TRIB2: variants seen among roughly 807,000 people sequenced by gnomAD.
TRIB2 encodes the protein tribbles pseudokinase 2.
In TRIB2, 2 loss-of-function variants were observed where a neutral mutation model predicts 26.8. The observed-to-expected ratio is 0.07, with a 90% confidence interval of 0.03 to 0.24. The LOEUF is 0.24. Ranked by LOEUF, TRIB2 falls within the 10% of genes least tolerant of loss-of-function variation. The probability of loss-of-function intolerance (pLI) is 1.00; values close to 1 mark genes in which losing one functional copy is unlikely to be tolerated. For synonymous variants in TRIB2, 189 were observed against 187.3 expected (o/e 1.01, Z -0.08); for missense variants, 306 against 449.0 (o/e 0.68, Z 2.88).
chr2:12,738,873 A>C (rs1661645594), intron 2 of TRIB2, among the ~76,000 whole-genome samples: 1 of 152,188 alleles, frequency 6.6e-6, no homozygotes, highest in African/African-American at 2.4e-5. Context: ...TGAGCACTTA[A>C]TTTATGTCAT....
chr2:12,735,234 T>G (rs1661542742), intron 2 of TRIB2, among the ~76,000 whole-genome samples: 1 of 152,220 alleles, frequency 6.6e-6, no homozygotes, highest in Admixed American at 6.5e-5. Flanking sequence ...GTCAAAAGAA[T>G]GACCTACCAA....
At chr2:12,739,096 C>A (rs1204044779) in intron 2 of TRIB2, among the ~76,000 whole-genome samples, 1 of 152,090 alleles carries the variant, frequency 6.6e-6, no homozygotes, top group Non-Finnish European at 1.5e-5. Context: ...TTCACACACA[C>A]CCTATGCACG....
At chr2:12,724,758 T>C in intron 2 of TRIB2, 1 of 1,612,920 alleles carries the variant, frequency 6.2e-7, no homozygotes, top group Non-Finnish European at 8.5e-7. Flanking sequence ...TTCTGTTACC[T>C]TCTGTATGCT....
In TRIB2 at chr2:12,718,576, A is replaced by G. The variant is rs781377123; in HGVS notation, c.269A>G (p.Lys90Arg). The change falls in exon 1 of 3, where the codon AAG becomes AGG. Residue 90 changes from lysine (K) to arginine (R), a missense_variant and splice_region_variant. Around this residue, in one of 4 missense-constraint regions of TRIB2, gnomAD observed 118 missense variants for 188.8 expected, o/e 0.63. Coordinates refer to ENST00000155926, the MANE Select transcript of TRIB2 (RefSeq NM_021643.4). The surrounding 1 kb of genome is among the most constrained non-coding windows in gnomAD (Gnocchi z 4.0). Reference sequence around the variant, plus strand: ...CACAGCGGAGAGGAGCTGGTGTGCAAGGTAAAGGGCCAGTGGGTTGCTTTT... The same window carrying G: ...CACAGCGGAGAGGAGCTGGTGTGCAGGGTAAAGGGCCAGTGGGTTGCTTTT... ...HLHSGEELVC[K>R]VFDISCYQES... 1 of 1,612,668 alleles carries G rather than the reference A, an allele frequency of 6.2e-7. No individual in the cohort carries two copies. The highest frequency in any genetic ancestry group is 8.5e-7 in the Non-Finnish European group (1 of 1,178,702).
At position 12,740,425 on chromosome 2, in the gene TRIB2, A is replaced by G. The variant is rs1661688637; in HGVS notation, c.663A>G (p.Pro221=). ...ATGGCTGCCCGGCTTACGTAAGCCCAGAGATCTTGAACACCAGTGGCAGCT... is the reference window on the plus strand; with the variant it reads ...ATGGCTGCCCGGCTTACGTAAGCCCGGAGATCTTGAACACCAGTGGCAGCT... The part of the protein sequence containing the change: ...DKHGCPAYVS[P]EILNTSGSYS... Residue 221 remains proline, a synonymous_variant, in exon 3 of 3, where the codon CCA becomes CCG. Coordinates refer to ENST00000155926, the MANE Select transcript of TRIB2 (RefSeq NM_021643.4). This position sits in a 1 kb window ranked among gnomAD's most constrained non-coding sequence, Gnocchi z 5.8. The G allele has an allele frequency of 6.2e-7, 1 of 1,614,152 alleles. No homozygotes were observed. Among genetic ancestry groups the G allele is most frequent in the South Asian group, 1.1e-5 (1 of 91,086 alleles).
chr2:12,740,837 AG>A lies in TRIB2; in HGVS notation c.*46del, dbSNP rs1408487339. The A allele has an allele frequency of 6.4e-7, 1 of 1,559,740 alleles. No homozygotes were observed. The highest frequency in any genetic ancestry group is 8.7e-7 in the Non-Finnish European group (1 of 1,144,774). ...ACTTAGCAGGTTCCAGGAGTGAGCG[AG>A]GGCAGCGGAAAGGAGTTCTTCCGGG... is the stretch of plus-strand genomic sequence containing the variant. On this transcript the variant is annotated 3_prime_UTR_variant, in exon 3 of 3. Coordinates refer to ENST00000155926, the MANE Select transcript of TRIB2 (RefSeq NM_021643.4). This position sits in a 1 kb window ranked among gnomAD's most constrained non-coding sequence, Gnocchi z 5.8.
At chr2:12,734,594 T>C (rs1188134099) in intron 2 of TRIB2, among the ~76,000 whole-genome samples, 1 of 152,084 alleles carries the variant, frequency 6.6e-6, no homozygotes, top group East Asian at 1.9e-4. Context: ...TTGCCCCCAG[T>C]TTTTTGCAGA....
chr2:12,741,445 G>GA lies in TRIB2; in HGVS notation c.*657dup, dbSNP rs543508662. On this transcript the variant is annotated 3_prime_UTR_variant, in exon 3 of 3. Coordinates refer to ENST00000155926, the MANE Select transcript of TRIB2 (RefSeq NM_021643.4). Reference sequence around the variant, plus strand: ...GTTAATGCTTTGCTCCCTGAAGGGGGAAAAAATCTGTCCTTTAACAAGCTA... The same window carrying GA: ...GTTAATGCTTTGCTCCCTGAAGGGGGAAAAAAATCTGTCCTTTAACAAGCTA... The GA allele has an allele frequency of 3.3e-5, 5 of 152,468 alleles. No homozygotes were observed. Among genetic ancestry groups the GA allele is most frequent in the Non-Finnish European group, 7.3e-5 (5 of 68,072 alleles). The allele number at this position is 152,468 out of a possible 1,614,324, so 9.4% of individuals were successfully genotyped here.
intron 2 of TRIB2, among the ~76,000 whole-genome samples, chr2:12,726,024 T>C (rs1462480383): frequency 6.6e-6 from 1 of 152,224 alleles, no homozygotes; most frequent in African/African-American, 2.4e-5. Flanking sequence ...GCAGCCAGCC[T>C]GGAAATCCTG....
At chr2:12,726,974 C>T (rs1040053054) in intron 2 of TRIB2, among the ~76,000 whole-genome samples, 5 of 152,288 alleles carry the variant, frequency 3.3e-5, no homozygotes, top group South Asian at 2.1e-4. Context: ...GCCTTCAGTC[C>T]GGTCCCCCAC....
intron 2 of TRIB2, among the ~76,000 whole-genome samples, chr2:12,729,245 T>G (rs1022067322): frequency 1.3e-5 from 2 of 152,194 alleles, no homozygotes; most frequent in Non-Finnish European, 2.9e-5. Context: ...TGTGCATCTG[T>G]AGACTGTCCT....
At chr2:12,721,238 C>T (rs1334927531) in intron 1 of TRIB2, among the ~76,000 whole-genome samples, 3 of 152,172 alleles carry the variant, frequency 2.0e-5, no homozygotes, top group Non-Finnish European at 2.9e-5. Context: ...GAAGCTGCCA[C>T]AAATATGTTA....
chr2:12,719,363 C>A (rs12999659), intron 1 of TRIB2, among the ~76,000 whole-genome samples: 1 of 152,042 alleles, frequency 6.6e-6, no homozygotes, highest in Non-Finnish European at 1.5e-5. Context: ...GCGATGGACA[C>A]TTCGGTTTCC....
intron 1 of TRIB2, among the ~76,000 whole-genome samples, chr2:12,720,104 A>T (rs1186923186): frequency 6.6e-6 from 1 of 152,206 alleles, no homozygotes; most frequent in Non-Finnish European, 1.5e-5. Context: ...AAGGCTGGAG[A>T]TGCTTTTAAG....
Position 12,740,314 on chromosome 2 carries a change from C to T in TRIB2, c.564-12C>T. On this transcript the variant is annotated splice_polypyrimidine_tract_variant and intron_variant, in intron 2 of 2. Coordinates refer to ENST00000155926, the MANE Select transcript of TRIB2 (RefSeq NM_021643.4). The surrounding 1 kb of genome is among the most constrained non-coding windows in gnomAD (Gnocchi z 5.8). ...CACCCTCAGGAGCTTATGTTTTCCTCCTTTCTTGCAGGACTCGGGTCAAGC... is the reference window on the plus strand; with the variant it reads ...CACCCTCAGGAGCTTATGTTTTCCTTCTTTCTTGCAGGACTCGGGTCAAGC... 2.5e-6 allele frequency: 4 copies of T among 1,610,194 alleles called. No individual in the cohort carries two copies. Among genetic ancestry groups the T allele is most frequent in the Non-Finnish European group, 3.4e-6 (4 of 1,177,132 alleles).
chr2:12,736,166 A>G lies in TRIB2; in HGVS notation c.564-4160A>G, dbSNP rs543565752. On this transcript the variant is annotated intron_variant, in intron 2 of 2. Transcript: ENST00000155926. ...CTAAAATTGTGACCTGGAAGGGGAT[A>G]GGAATGGAAAAGGGCCTCAGATTTG... 3.3e-5 allele frequency among the ~76,000 whole-genome samples: 5 copies of G among 152,260 alleles called. No individual in the cohort carries two copies. The South Asian group carries it at 1.0e-3, about 32-fold the overall frequency.
At chr2:12,731,503 G>T (rs946062741) in intron 2 of TRIB2, among the ~76,000 whole-genome samples, 1 of 152,192 alleles carries the variant, frequency 6.6e-6, no homozygotes, top group African/African-American at 2.4e-5. Flanking sequence ...GGAAGAAGTG[G>T]CTCAAACTGA....
chr2:12,719,576 G>T (rs1212324327), intron 1 of TRIB2, among the ~76,000 whole-genome samples: 264 of 138,356 alleles, frequency 1.9e-3, no homozygotes, highest in African/African-American at 6.2e-3. Context: ...TTTGCTGACT[G>T]TTTTTTTTTT....
intron 2 of TRIB2, among the ~76,000 whole-genome samples, chr2:12,729,321 G>T (rs752356297): frequency 6.6e-6 from 1 of 152,160 alleles, no homozygotes; most frequent in Non-Finnish European, 1.5e-5. Flanking sequence ...GGAACAGGTT[G>T]GGCCTTGCTA....
Sources: allele counts gnomAD v4.1 joint callset (sites outside exome capture counted in the v4.1 genomes callset), GRCh38; gene constraint gnomAD v4.1.1; regional missense constraint gnomAD v4.1.1; non-coding constraint Gnocchi (gnomAD v3.1); transcripts MANE v1.5; gene names NCBI Gene and HGNC (gene_info 2026-07-23, HGNC 2026-07-21).